Variants in FSTL4 observed in about 807,000 individuals in gnomAD.
FSTL4 encodes the protein follistatin-related protein 4.
FSTL4 carries 28 observed loss-of-function variants against 78.2 expected under a neutral mutation model. The ratio of observed to expected loss-of-function variants is 0.36; its 90% CI spans 0.27 to 0.49. The LOEUF is 0.49. Ranked by LOEUF, FSTL4 falls within the 20% of genes least tolerant of loss-of-function variation. FSTL4 has a pLI of 0.98. For missense variants in FSTL4, 922 were observed against 1,084.9 expected, an observed-to-expected ratio of 0.85 and a Z score of 2.11; for synonymous variants, 422 against 440.5, an observed-to-expected ratio of 0.96 and a Z score of 0.53.
chr5:133,433,781 A>C (rs905251048), intron 3 of FSTL4, among the ~76,000 whole-genome samples: 1 of 152,114 alleles, frequency 6.6e-6, no homozygotes, highest in Non-Finnish European at 1.5e-5. Flanking sequence ...CTCTGTAAAG[A>C]GCTGGGGGAA....
the FSTL4 span, among the ~76,000 whole-genome samples, chr5:133,818,931 C>CTATA: frequency 1.5e-3 from 95 of 61,784 alleles, 29 homozygotes; most frequent in South Asian, 0.014. Context: ...TTAGAAGATA[C>CTATA]TATATATATA....
the FSTL4 span, among the ~76,000 whole-genome samples, chr5:133,758,273 G>A: frequency 1.3e-5 from 2 of 152,040 alleles, no homozygotes; most frequent in East Asian, 3.8e-4. Context: ...ATATATCACT[G>A]AATTCATCAA....
chr5:133,249,032 C>G (rs776759869), intron 7 of FSTL4, among the ~76,000 whole-genome samples: 4 of 152,248 alleles, frequency 2.6e-5, no homozygotes, highest in Non-Finnish European at 5.9e-5. Context: ...CCACTGTTCT[C>G]TCAGCTGTGG....
intron 3 of FSTL4, among the ~76,000 whole-genome samples, chr5:133,404,985 T>C (rs1005796609): frequency 2.6e-5 from 4 of 152,186 alleles, no homozygotes; most frequent in African/African-American, 9.7e-5. Flanking sequence ...GCTCTTCCAC[T>C]CTTGGATGCC....
At chr5:133,625,507 A>AT in the FSTL4 span, among the ~76,000 whole-genome samples, 1 of 150,012 alleles carries the variant, frequency 6.7e-6, no homozygotes, top group East Asian at 1.9e-4. Flanking sequence ...TCCCCTTTTT[A>AT]TTTTTGTCAG....
At chr5:133,446,301 G>T (rs146827136) in intron 3 of FSTL4, among the ~76,000 whole-genome samples, 2 of 152,150 alleles carry the variant, frequency 1.3e-5, no homozygotes, top group African/African-American at 4.8e-5. Context: ...TTAGCCGGGC[G>T]TGCTGGCAGG....
At chr5:133,803,136 C>T in the FSTL4 span, among the ~76,000 whole-genome samples, 12 of 152,196 alleles carry the variant, frequency 7.9e-5, no homozygotes, top group South Asian at 6.2e-4. Context: ...CTGGATCTGA[C>T]CTTACCTGAA....
chr5:133,243,593 A>G lies in FSTL4; in HGVS notation c.894+5817T>C, dbSNP rs552265017. ...TGTCCCACAAGCAAGAAACCCAGAGAGCTCTGGGCCAGGGCATGTAGGTGG... is the reference window on the plus strand; with the variant it reads ...TGTCCCACAAGCAAGAAACCCAGAGGGCTCTGGGCCAGGGCATGTAGGTGG... On this transcript the variant is annotated intron_variant, in intron 7 of 15. Coordinates refer to ENST00000265342, the MANE Select transcript of FSTL4 (RefSeq NM_015082.2). Among the ~76,000 whole-genome samples the G allele has an allele frequency of 3.3e-5, 5 of 152,358 alleles. No homozygotes were observed. The East Asian group carries it at 9.6e-4, about 29-fold the overall frequency.
intron 3 of FSTL4, among the ~76,000 whole-genome samples, chr5:133,437,753 A>C (rs888222635): frequency 6.6e-6 from 1 of 151,304 alleles, no homozygotes; most frequent in African/African-American, 2.4e-5. Context: ...AGCCTCCCAA[A>C]GTGCTGGGAT....
intron 4 of FSTL4, among the ~76,000 whole-genome samples, chr5:133,326,541 G>A (rs959831704): frequency 6.6e-6 from 1 of 152,166 alleles, no homozygotes; most frequent in African/African-American, 2.4e-5. Context: ...AGCCTTGAAG[G>A]CCCTCCCAGT....
At chr5:133,241,326 T>C (rs1561638714) in intron 7 of FSTL4, among the ~76,000 whole-genome samples, 1 of 152,214 alleles carries the variant, frequency 6.6e-6, no homozygotes, top group Non-Finnish European at 1.5e-5. Context: ...ATGTCAGAAG[T>C]GAGGGTGTCT....
At chr5:133,547,480 C>T (rs1759605457) in intron 3 of FSTL4, among the ~76,000 whole-genome samples, 1 of 152,088 alleles carries the variant, frequency 6.6e-6, no homozygotes, top group Non-Finnish European at 1.5e-5. Context: ...TTCAGTGTGT[C>T]CCCCAGAATT....
intron 3 of FSTL4, 120 bp downstream of exon 3, chr5:133,567,066 A>C: frequency 2.6e-6 from 2 of 768,180 alleles, no homozygotes; most frequent in South Asian, 1.5e-5. Context: ...CACCCAGAAA[A>C]GGCCGCATGA....
At chr5:133,301,350 G>C (rs910911920) in intron 6 of FSTL4, among the ~76,000 whole-genome samples, 3 of 152,178 alleles carry the variant, frequency 2.0e-5, no homozygotes, top group Non-Finnish European at 4.4e-5. Flanking sequence ...GTCAGGAGAG[G>C]TTCTGCCTGC....
intron 3 of FSTL4, among the ~76,000 whole-genome samples, chr5:133,539,431 C>T (rs966403353): frequency 6.6e-6 from 1 of 152,142 alleles, no homozygotes; most frequent in African/African-American, 2.4e-5. Context: ...TTCAGCTCCT[C>T]GCACACCATT....
At chr5:133,517,508 C>CAA (rs1259523022) in intron 3 of FSTL4, among the ~76,000 whole-genome samples, 2 of 127,090 alleles carry the variant, frequency 1.6e-5, no homozygotes, top group African/African-American at 6.0e-5. Context: ...CACACACACA[C>CAA]ACAAACTGAA....
chr5:133,558,260 A>G lies in FSTL4; in HGVS notation c.160+8926T>C, dbSNP rs563784146. Among the ~76,000 whole-genome samples, 3 of 152,332 alleles carry G rather than the reference A, an allele frequency of 2.0e-5. No individual in the cohort carries two copies. In the South Asian group the frequency reaches 6.2e-4, roughly 32 times the overall value. ...TCGTATTCACCTTTCCAGAGGAGTC[A>G]TTTCTCCAATGCAAGTAGTAGTTAT... is the stretch of plus-strand genomic sequence containing the variant. On this transcript the variant is annotated intron_variant, in intron 3 of 15. Coordinates refer to ENST00000265342, the MANE Select transcript of FSTL4 (RefSeq NM_015082.2).
intron 4 of FSTL4, among the ~76,000 whole-genome samples, chr5:133,375,273 A>AACATAGGG (rs1755401468): frequency 2.1e-5 from 1 of 46,744 alleles, no homozygotes; most frequent in African/African-American, 5.1e-5. Context: ...AAAAACCCAA[A>AACATAGGG]ACATAGGGTG....
At chr5:133,711,586 G>A in the FSTL4 span, among the ~76,000 whole-genome samples, 7 of 152,350 alleles carry the variant, frequency 4.6e-5, no homozygotes, top group Non-Finnish European at 7.3e-5. Flanking sequence ...AGAAAGGACT[G>A]TTCCTTTGTA....
Sources: allele counts gnomAD v4.1 joint callset (sites outside exome capture counted in the v4.1 genomes callset), GRCh38; gene constraint gnomAD v4.1.1; transcripts MANE v1.5; gene names NCBI Gene and HGNC (gene_info 2026-07-23, HGNC 2026-07-21).